Variants in STKLD1 observed in about 807,000 individuals in gnomAD.
STKLD1 encodes serine/threonine kinase like domain containing 1.
STKLD1 carries 79 observed loss-of-function variants against 80.4 expected under a neutral mutation model. That is an observed-to-expected ratio of 0.98 (90% confidence interval 0.82 to 1.19). The LOEUF is 1.19. STKLD1 is among the 50% of genes most tolerant of loss of function. The pLI is 0.00. For missense variants in STKLD1, 841 were observed against 856.0 expected (o/e 0.98, Z 0.22); for synonymous variants, 393 against 357.6 (o/e 1.10, Z -1.12).
chr9:133,384,019 C>A lies in STKLD1; in HGVS notation c.219+119C>A. On this transcript the variant is annotated intron_variant, in intron 3 of 17. Transcript: ENST00000371957. This position sits in a 1 kb window ranked among gnomAD's most constrained non-coding sequence, Gnocchi z 4.3. ...AAGGCTGGAGGGAGGGATAGAGCAT[C>A]AGCACCAGTTTTGCCTCAGCTGTGA... is the stretch of plus-strand genomic sequence containing the variant. 3.0e-6 allele frequency: 3 copies of A among 1,001,832 alleles called. No individual in the cohort carries two copies. The highest frequency in any genetic ancestry group is 1.9e-5 in the Admixed American group (1 of 54,034). The allele number at this position is 1,001,832 out of a possible 1,614,324, so 62.1% of individuals were successfully genotyped here. A position where few individuals can be genotyped will look rare whatever the true frequency, so the allele number is the denominator to read the frequency against.
chr9:133,377,374 G>T (rs2130253758), intron 1 of STKLD1, among the ~76,000 whole-genome samples: 10 of 152,166 alleles, frequency 6.6e-5, no homozygotes, highest in African/African-American at 2.4e-4. Flanking sequence ...GCTTAGAACA[G>T]CAGTCCCTGG....
At position 133,403,691 on chromosome 9, in the gene STKLD1, T is replaced by A; in HGVS notation, c.1475-9T>A. 6.2e-7 allele frequency: 1 copy of A among 1,611,678 alleles called. No individual in the cohort carries two copies. Among genetic ancestry groups the A allele is most frequent in the Non-Finnish European group, 8.5e-7 (1 of 1,178,394 alleles). ...TGGGTGTCCCCTTCCATCCCTGTCC[T>A]CGTTCCAGGTATCATTGTGAACAAG... On this transcript the variant is annotated splice_polypyrimidine_tract_variant and intron_variant, in intron 14 of 17. Transcript: ENST00000371957.
At chr9:133,395,842 G>C (rs1838547411) in intron 9 of STKLD1, 79 bp downstream of exon 9, 2 of 1,471,814 alleles carry the variant, frequency 1.4e-6, no homozygotes, top group African/African-American at 1.4e-5. Flanking sequence ...AGCACAGCTA[G>C]TTGGCTTTGT....
At position 133,401,765 on chromosome 9, in the gene STKLD1, C is replaced by G. The variant is rs763668159; in HGVS notation, c.1226C>G (p.Ala409Gly). The G allele has an allele frequency of 2.4e-5, 38 of 1,613,298 alleles. No homozygotes were observed. In the East Asian group the frequency reaches 7.6e-4, roughly 32 times the overall value. ...CTGGTGCACCACCCGGAAGCCAAGG[C>G]TCCCTGCAACCAAGCCATCACCTCC... ...QALVHHPEAK[A>G]PCNQAITSTL... Residue 409 changes from alanine (A) to glycine (G), a missense_variant, in exon 13 of 18, where the codon GCT (alanine) becomes GGT (glycine). By Grantham distance (60) the Ala-to-Gly change is moderately conservative. Coordinates refer to ENST00000371957, the MANE Select transcript of STKLD1 (RefSeq NM_153710.5).
rs987474191 is a variant in STKLD1, at chr9:133,383,618, A to G, written c.175-238A>G. Reference sequence around the variant, plus strand: ...TGGTGGTGATGGAGTGATGGTGGTAATGGTAGTGGTGGTGGTGTGATGATG... The same window carrying G: ...TGGTGGTGATGGAGTGATGGTGGTAGTGGTAGTGGTGGTGGTGTGATGATG... On this transcript the variant is annotated intron_variant, in intron 2 of 17. Transcript: ENST00000371957. 8.2e-3 allele frequency among the ~76,000 whole-genome samples: 533 copies of G among 65,006 alleles called. 6 individuals carry two copies. Among genetic ancestry groups the G allele is most frequent in the African/African-American group, 0.028 (515 of 18,548 alleles). 42.6% of individuals were successfully genotyped at this position (65,006 alleles called of 152,430 possible).
chr9:133,387,726 A>T, intron 5 of STKLD1, 178 bp downstream of exon 5: 2 of 693,096 alleles, frequency 2.9e-6, no homozygotes, highest in Non-Finnish European at 5.3e-6. Context: ...TTAAGTGCAC[A>T]GTTTGATGCA....
intron 10 of STKLD1, among the ~76,000 whole-genome samples, chr9:133,397,536 G>GC (rs1198228303): frequency 2.0e-5 from 3 of 151,950 alleles, no homozygotes; most frequent in African/African-American, 7.3e-5. Flanking sequence ...CCATAGCCTG[G>GC]CCCCCACCTG....
At chr9:133,397,035 A>C in intron 9 of STKLD1, 129 bp from the exon 10 acceptor site, 1 of 1,370,680 alleles carries the variant, frequency 7.3e-7, no homozygotes, top group Non-Finnish European at 9.8e-7. Context: ...AATGAATCCC[A>C]AAACAGGGAG....
At position 133,401,593 on chromosome 9, in the gene STKLD1, G is replaced by A. The variant is rs1389284112; in HGVS notation, c.1199-145G>A. 1.4e-5 allele frequency: 14 copies of A among 1,030,280 alleles called. No individual in the cohort carries two copies. The Admixed American group carries it at 3.7e-4, about 27-fold the overall frequency. The allele number at this position is 1,030,280 out of a possible 1,614,324, so 63.8% of individuals were successfully genotyped here. ...CCATTAGGCCACAGGGATTCATGGA[G>A]GCCTGCTCTGGGTCAGAACAAGGCA... On this transcript the variant is annotated intron_variant, in intron 12 of 17. Transcript: ENST00000371957.
chr9:133,379,845 C>T (rs2130261903), intron 2 of STKLD1, among the ~76,000 whole-genome samples: 1 of 152,198 alleles, frequency 6.6e-6, no homozygotes, highest in African/African-American at 2.4e-5. Context: ...GGCCATACAG[C>T]GGGAGGAGCC....
chr9:133,401,353 G>T (rs1229470444), intron 12 of STKLD1, among the ~76,000 whole-genome samples: 3 of 152,034 alleles, frequency 2.0e-5, no homozygotes, highest in East Asian at 1.9e-4. Flanking sequence ...AGTCAGGCTG[G>T]TCTTGAACTC....
Position 133,386,455 on chromosome 9 carries a change from G to A in STKLD1, c.294+764G>A, listed in dbSNP as rs2130277621. ...TCCGTCTCCACAGCCACCCGACACC[G>A]GTGCCGTCCTGGGCCTGTGCGCCCC... On this transcript the variant is annotated intron_variant, in intron 4 of 17. Transcript: ENST00000371957. 5.9e-5 allele frequency among the ~76,000 whole-genome samples: 9 copies of A among 152,314 alleles called. No homozygotes were observed. In the South Asian group the frequency reaches 6.2e-4, roughly 11 times the overall value.
At chr9:133,382,166 T>C (rs2130267745) in intron 2 of STKLD1, among the ~76,000 whole-genome samples, 17 of 152,120 alleles carry the variant, frequency 1.1e-4, no homozygotes, top group Non-Finnish European at 5.9e-5. Flanking sequence ...GTACATTCCA[T>C]GCGTGGAGAC....
At chr9:133,402,636 G>T (rs1027659494) in intron 13 of STKLD1, among the ~76,000 whole-genome samples, 18 of 152,254 alleles carry the variant, frequency 1.2e-4, no homozygotes, top group African/African-American at 4.3e-4. Context: ...AGCTACAGAG[G>T]TCAGACCCAG....
Position 133,384,307 on chromosome 9 carries a change from G to T in STKLD1, c.219+407G>T, listed in dbSNP as rs934411461. 2 of 178,956 alleles carry T rather than the reference G, an allele frequency of 1.1e-5. No individual in the cohort carries two copies. The highest frequency in any genetic ancestry group is 2.4e-5 in the Non-Finnish European group (2 of 83,066). 11.1% of individuals were successfully genotyped at this position (178,956 alleles called of 1,614,324 possible). ...TACAAAAAAATTAGCTGGGCATGGT[G>T]GTGGGCACCTGTAATCCCAGCTACT... On this transcript the variant is annotated intron_variant, in intron 3 of 17. Coordinates refer to ENST00000371957, the MANE Select transcript of STKLD1 (RefSeq NM_153710.5). The surrounding 1 kb of genome is among the most constrained non-coding windows in gnomAD (Gnocchi z 4.3).
chr9:133,404,921 C>T lies in STKLD1; in HGVS notation c.1865C>T (p.Ala622Val), dbSNP rs782189117. Residue 622 changes from alanine to valine, a missense_variant, in exon 17 of 18, where the codon GCT (alanine) becomes GTT (valine). By Grantham distance (64) the Ala-to-Val change is moderately conservative. Coordinates refer to ENST00000371957, the MANE Select transcript of STKLD1 (RefSeq NM_153710.5). ...GTGGGCATGCTGCTGGTCCACCTGG[C>T]TTCCTATGGTGAGAACCCCTTCTCA... ...ENVGMLLVHLASYEEILPELV... is the reference protein window; with the variant it reads ...ENVGMLLVHLVSYEEILPELV... 1 of 1,613,298 alleles carries T rather than the reference C, an allele frequency of 6.2e-7. No individual in the cohort carries two copies. The highest frequency in any genetic ancestry group is 1.1e-5 in the South Asian group (1 of 91,082).
chr9:133,401,083 G>A (rs927610932), intron 12 of STKLD1, among the ~76,000 whole-genome samples: 44 of 151,874 alleles, frequency 2.9e-4, no homozygotes, highest in African/African-American at 9.9e-4. Flanking sequence ...AGAGACATGG[G>A]TTGTTAAAAG....
chr9:133,402,847 C>T (rs995927640), intron 13 of STKLD1, 31 bp from the exon 14 acceptor site: 19 of 1,589,332 alleles, frequency 1.2e-5, no homozygotes, highest in Non-Finnish European at 1.6e-5. Flanking sequence ...GAGGGAGGGG[C>T]CCTGGGGCCC....
rs1554777886 is a variant in STKLD1, at chr9:133,402,753, G to A, written c.1340-125G>A. 8 of 1,087,712 alleles carry A rather than the reference G, an allele frequency of 7.4e-6. No individual in the cohort carries two copies. The East Asian group carries it at 8.0e-5, about 11-fold the overall frequency. 67.4% of individuals were successfully genotyped at this position (1,087,712 alleles called of 1,614,324 possible). A position where few individuals can be genotyped will look rare whatever the true frequency, so the allele number is the denominator to read the frequency against. ...GTTCAGGGCTCCATTGAGTGCACAC[G>A]ACTTGGCCCAGAGCAGGCACCTAGG... On this transcript the variant is annotated intron_variant, in intron 13 of 17. Transcript: ENST00000371957.
Sources: gnomAD v4.1 joint callset for allele counts (sites outside exome capture counted in the v4.1 genomes callset) on GRCh38, gnomAD v4.1.1 for gene constraint, Gnocchi (gnomAD v3.1) non-coding constraint, MANE v1.5 for transcripts, NCBI Gene and HGNC (gene_info 2026-07-23, HGNC 2026-07-21) for gene names.